MAP3K20: variants seen among roughly 807,000 people sequenced by gnomAD.
MAP3K20 encodes HCCS-4.
MAP3K20 carries 40 observed loss-of-function variants against 85.7 expected under a neutral mutation model. The ratio of observed to expected loss-of-function variants is 0.47; its 90% CI spans 0.36 to 0.61. The LOEUF (loss-of-function observed/expected upper bound fraction) is 0.61. Among genes scored for constraint, MAP3K20 ranks in the 20% least tolerant of loss-of-function variants. The pLI is 0.00. For synonymous variants in MAP3K20, 325 were observed against 327.7 expected, an observed-to-expected ratio of 0.99 and a Z score of 0.09; for missense variants, 817 against 961.7, an observed-to-expected ratio of 0.85 and a Z score of 1.99.
chr2:173,101,054 T>C (rs1335300959), intron 2 of MAP3K20, among the ~76,000 whole-genome samples: 1 of 152,176 alleles, frequency 6.6e-6, no homozygotes, highest in Non-Finnish European at 1.5e-5. Context: ...GTATTACTGA[T>C]ATGTCTGAAG....
chr2:173,121,657 G>C (rs1388657192), intron 2 of MAP3K20, among the ~76,000 whole-genome samples: 1 of 152,098 alleles, frequency 6.6e-6, no homozygotes, highest in African/African-American at 2.4e-5. Flanking sequence ...AAAGTGCTGG[G>C]ATTACAGTCG....
At chr2:173,112,843 A>G (rs1398008115) in intron 2 of MAP3K20, among the ~76,000 whole-genome samples, 1 of 152,022 alleles carries the variant, frequency 6.6e-6, no homozygotes, top group Non-Finnish European at 1.5e-5. Context: ...GGATTTTAGC[A>G]TCTATGTTCA....
At chr2:173,144,481 A>AAAAG (rs1559250794) in intron 2 of MAP3K20, among the ~76,000 whole-genome samples, 1 of 139,000 alleles carries the variant, frequency 7.2e-6, no homozygotes, top group African/African-American at 2.5e-5. Context: ...AAAAAAAAAA[A>AAAAG]AAAAGAAAAG....
chr2:173,228,117 A>G (rs1037950265), intron 11 of MAP3K20, among the ~76,000 whole-genome samples: 2 of 152,250 alleles, frequency 1.3e-5, no homozygotes, highest in Non-Finnish European at 2.9e-5. Flanking sequence ...ACATGCAGGT[A>G]GCAGAGTATA....
intron 2 of MAP3K20, chr2:173,160,545 T>G (rs1259479607): frequency 6.6e-6 from 1 of 152,212 alleles, no homozygotes; most frequent in Admixed American, 6.5e-5. Flanking sequence ...CCTTTTATAC[T>G]TTTGATAACT....
chr2:173,134,420 A>ATTTTTT (rs1559246094), intron 2 of MAP3K20, among the ~76,000 whole-genome samples: 2 of 6,154 alleles, frequency 3.2e-4, no homozygotes, highest in Non-Finnish European at 6.7e-4. Flanking sequence ...ATATATATAT[A>ATTTTTT]TATATATATT....
chr2:173,186,736 G>A (rs1453353316), intron 4 of MAP3K20, among the ~76,000 whole-genome samples: 1 of 151,994 alleles, frequency 6.6e-6, no homozygotes, highest in Non-Finnish European at 1.5e-5. Context: ...TATTTTAGTA[G>A]AAAATCATCC....
At chr2:173,130,794 CAGT>C (rs547075105) in intron 2 of MAP3K20, among the ~76,000 whole-genome samples, 246 of 152,272 alleles carry the variant, frequency 1.6e-3, no homozygotes, top group African/African-American at 5.6e-3. Flanking sequence ...ATGAGACCAG[CAGT>C]GAGACAGTGG....
Position 173,217,173 on chromosome 2 carries a change from A to AAGGAGC in MAP3K20, c.917_922dup (p.Gln306_Glu307dup). On this transcript the variant is annotated inframe_insertion, in exon 11 of 20. Coordinates refer to ENST00000375213, the MANE Select transcript of MAP3K20 (RefSeq NM_016653.3). ...GAAACTAGAGCGTGATCTCAGCTTT[A>AAGGAGC]AGGAGCAGGAGCTTAAAGAACGAGA... 1 of 1,607,962 alleles carries AAGGAGC rather than the reference A, an allele frequency of 6.2e-7. No individual in the cohort carries two copies. The highest frequency in any genetic ancestry group is 8.5e-7 in the Non-Finnish European group (1 of 1,176,936).
intron 19 of MAP3K20, among the ~76,000 whole-genome samples, chr2:173,264,497 G>A (rs1218528702): frequency 6.6e-6 from 1 of 152,166 alleles, no homozygotes; most frequent in Non-Finnish European, 1.5e-5. Context: ...ATAGGAGTAA[G>A]GAAAACTTTT....
At position 173,075,973 on chromosome 2, in the gene MAP3K20, G is replaced by A. The variant is rs1477412240; in HGVS notation, c.-64G>A. The stretch of plus-strand genomic sequence containing the variant: ...CGCGCGCGGGGCCTCCGCGCCCCCG[G>A]CTGCTGCTCACGCCCCGCCCGGGAG... On this transcript the variant is annotated 5_prime_UTR_variant, in exon 1 of 20. Transcript: ENST00000375213. The A allele has an allele frequency of 7.1e-6, 7 of 985,018 alleles. No individual in the cohort carries two copies. Among genetic ancestry groups the A allele is most frequent in the Non-Finnish European group, 8.4e-6 (7 of 829,818 alleles). The allele number at this position is 985,018 out of a possible 1,614,324, so 61.0% of individuals were successfully genotyped here. A position where few individuals can be genotyped will look rare whatever the true frequency, so the allele number is the denominator to read the frequency against.
chr2:173,121,919 CTT>C (rs962821506), intron 2 of MAP3K20, among the ~76,000 whole-genome samples: 1 of 152,188 alleles, frequency 6.6e-6, no homozygotes, highest in African/African-American at 2.4e-5. Flanking sequence ...ATCATGGCCA[CTT>C]TGTTCATGGC....
At chr2:173,177,953 G>A (rs891165221) in intron 3 of MAP3K20, among the ~76,000 whole-genome samples, 3 of 151,952 alleles carry the variant, frequency 2.0e-5, no homozygotes, top group African/African-American at 4.8e-5. Context: ...ACCAAAGTGA[G>A]TCAATGAAAG....
intron 2 of MAP3K20, among the ~76,000 whole-genome samples, chr2:173,101,590 A>G (rs549616198): frequency 6.6e-6 from 1 of 152,346 alleles, no homozygotes; most frequent in African/African-American, 2.4e-5. Flanking sequence ...TTGCTATTAG[A>G]AGAAAAATAG....
chr2:173,213,267 G>A (rs1574119404), intron 10 of MAP3K20, among the ~76,000 whole-genome samples: 1 of 152,132 alleles, frequency 6.6e-6, no homozygotes. Context: ...GAGAACGGGG[G>A]GGAAAAGGAG....
intron 11 of MAP3K20, chr2:173,224,839 ATATT>A (rs1684341086): frequency 1.0e-6 from 1 of 984,988 alleles, no homozygotes; most frequent in Non-Finnish European, 1.2e-6. Context: ...TTTAAAAGGA[ATATT>A]TATTAGCCAT....
At chr2:173,162,240 A>C (rs1218917077) in intron 2 of MAP3K20, among the ~76,000 whole-genome samples, 1 of 152,084 alleles carries the variant, frequency 6.6e-6, no homozygotes, top group Non-Finnish European at 1.5e-5. Context: ...GTGACCCTGG[A>C]TCATATTGGC....
chr2:173,254,350 TG>T (rs1223289194), intron 16 of MAP3K20, among the ~76,000 whole-genome samples: 2 of 148,586 alleles, frequency 1.3e-5, no homozygotes, highest in African/African-American at 5.0e-5. Context: ...AGGAGAATGG[TG>T]TGAACCTAGG....
At chr2:173,092,360 T>A (rs1687325984) in intron 2 of MAP3K20, among the ~76,000 whole-genome samples, 1 of 152,226 alleles carries the variant, frequency 6.6e-6, no homozygotes, top group South Asian at 2.1e-4. Flanking sequence ...TCAATAAAAA[T>A]TTTTAATGGT....
Sources: gnomAD v4.1 joint callset for allele counts (sites outside exome capture counted in the v4.1 genomes callset) on GRCh38, gnomAD v4.1.1 for gene constraint, MANE v1.5 for transcripts, NCBI Gene and HGNC (gene_info 2026-07-23, HGNC 2026-07-21) for gene names.